ATP4A: variants seen among roughly 807,000 people sequenced by gnomAD.
ATP4A encodes potassium-transporting ATPase alpha chain 1.
A neutral mutation model predicts 112.1 loss-of-function variants in ATP4A; 73 were observed. The ratio of observed to expected loss-of-function variants is 0.65; its 90% CI spans 0.54 to 0.79. The LOEUF (loss-of-function observed/expected upper bound fraction) is 0.79, where lower values mean the gene tolerates loss of function less well. Among genes scored for constraint, ATP4A ranks in the 30% least tolerant of loss-of-function variants. The probability of loss-of-function intolerance (pLI) is 0.00; values close to 1 mark genes in which losing one functional copy is unlikely to be tolerated. For missense variants in ATP4A, 1,081 were observed against 1,425.9 expected (o/e 0.76, Z 3.90); for synonymous variants, 588 against 588.9 (o/e 1.00, Z 0.02).
chr19:35,557,052 G>A lies in ATP4A; in HGVS notation c.1730C>T (p.Pro577Leu), dbSNP rs776928883. 36 of 1,614,076 alleles carry A rather than the reference G, an allele frequency of 2.2e-5. No homozygotes were observed. The highest frequency in any genetic ancestry group is 9.3e-5 in the African/African-American group (7 of 74,914). Reference sequence around the variant, plus strand: ...CTCTACGTCGAAGGCATAGCCAGGCGGGTAGTCCTTCTCATTCAGGTAGAG... The same window carrying A: ...CTCTACGTCGAAGGCATAGCCAGGCAGGTAGTCCTTCTCATTCAGGTAGAG... ...CQLYLNEKDYPPGYAFDVEAM... is the reference protein window; with the variant it reads ...CQLYLNEKDYLPGYAFDVEAM... Residue 577 changes from proline (P) to leucine (L), a missense_variant, in exon 12 of 22, where the codon CCG (proline) becomes CTG (leucine). This residue lies in a region of ATP4A where 850 missense variants were observed against 1,068.2 expected (regional missense o/e 0.80). Transcript: ENST00000262623. This position sits in a 1 kb window ranked among gnomAD's most constrained non-coding sequence, Gnocchi z 4.4.
chr19:35,558,725 C>T lies in ATP4A; in HGVS notation c.1256-39G>A, dbSNP rs1309594230. On this transcript the variant is annotated intron_variant, in intron 8 of 21. Transcript: ENST00000262623. The surrounding 1 kb of genome is among the most constrained non-coding windows in gnomAD (Gnocchi z 5.1). ...GTCCAGGCTGGGTCCCGCACGGCGGCTCTCCCGGACCAGAACCGAGCCCCC... is the reference window on the plus strand; with the variant it reads ...GTCCAGGCTGGGTCCCGCACGGCGGTTCTCCCGGACCAGAACCGAGCCCCC... 1 of 1,540,632 alleles carries T rather than the reference C, an allele frequency of 6.5e-7. No individual in the cohort carries two copies. The highest frequency in any genetic ancestry group is 8.7e-7 in the Non-Finnish European group (1 of 1,143,972).
chr19:35,563,552 G>A (rs370196640), intron 1 of ATP4A, 25 bp from the exon 2 acceptor site: 13 of 1,613,822 alleles, frequency 8.1e-6, no homozygotes, highest in Admixed American at 5.0e-5. Flanking sequence ...GATGGAGGGA[G>A]GGAGAACTCA....
chr19:35,561,056 A>G (rs763764214), intron 4 of ATP4A, 124 bp from the exon 5 acceptor site: 3 of 745,858 alleles, frequency 4.0e-6, no homozygotes, highest in Non-Finnish European at 6.9e-6. Flanking sequence ...ACCTACTAGG[A>G]AGCTCCATGC....
rs2071604590 is a variant in ATP4A, at chr19:35,551,948, A to T, written c.2752-368T>A. On this transcript the variant is annotated intron_variant, in intron 18 of 21. Coordinates refer to ENST00000262623, the MANE Select transcript of ATP4A (RefSeq NM_000704.3). The surrounding 1 kb of genome is among the most constrained non-coding windows in gnomAD (Gnocchi z 5.2). ...TCCAGTGACTCCAGGGGCCAGGCAG[A>T]TGGCAAAAATAGGTGAGGCAGTCAC... is the stretch of plus-strand genomic sequence containing the variant. Among the ~76,000 whole-genome samples, 1 of 152,208 alleles carries T rather than the reference A, an allele frequency of 6.6e-6. No homozygotes were observed. Among genetic ancestry groups the T allele is most frequent in the African/African-American group, 2.4e-5 (1 of 41,458 alleles).
chr19:35,554,282 C>T (rs2071617942), intron 16 of ATP4A, among the ~76,000 whole-genome samples: 1 of 152,028 alleles, frequency 6.6e-6, no homozygotes, highest in Non-Finnish European at 1.5e-5. Context: ...TGTGACTGCT[C>T]AAGCTCAAGT....
At chr19:35,561,906 A>T (rs1599575558) in intron 4 of ATP4A, among the ~76,000 whole-genome samples, 1 of 127,744 alleles carries the variant, frequency 7.8e-6, no homozygotes, top group Non-Finnish European at 1.5e-5. Context: ...CCCAGGCTGG[A>T]GTGCAGTGGC....
Position 35,555,353 on chromosome 19 carries a change from G to A in ATP4A, c.2158-19C>T. 2 of 1,607,658 alleles carry A rather than the reference G, an allele frequency of 1.2e-6. No homozygotes were observed. The highest frequency in any genetic ancestry group is 1.7e-6 in the Non-Finnish European group (2 of 1,175,770). ...TCGCACCCTGCAGGCAGTGGGTGCA[G>A]GTGGTGGGTGGGTGGTCAGTGAGAG... On this transcript the variant is annotated intron_variant, in intron 14 of 21. Coordinates refer to ENST00000262623, the MANE Select transcript of ATP4A (RefSeq NM_000704.3). The surrounding 1 kb of genome is among the most constrained non-coding windows in gnomAD (Gnocchi z 6.6).
At chr19:35,563,307 C>T (rs1418716308) in intron 2 of ATP4A, 39 bp from the exon 3 acceptor site, 3 of 1,613,638 alleles carry the variant, frequency 1.9e-6, no homozygotes, top group Non-Finnish European at 2.5e-6. Context: ...GCTCTGGGCT[C>T]TCCTGGCCCC....
Position 35,559,290 on chromosome 19 carries a change from G to A in ATP4A, c.1057-99C>T. On this transcript the variant is annotated intron_variant, in intron 7 of 21. Transcript: ENST00000262623. This position sits in a 1 kb window ranked among gnomAD's most constrained non-coding sequence, Gnocchi z 4.1. ...GGGAAGGCTTTACCCCAGCCGCGGG[G>A]CTGCGTGTGCAACGTGCTTCTGCAA... is the stretch of plus-strand genomic sequence containing the variant. 1.6e-6 allele frequency: 2 copies of A among 1,277,596 alleles called. No individual in the cohort carries two copies. Among genetic ancestry groups the A allele is most frequent in the Non-Finnish European group, 2.2e-6 (2 of 902,186 alleles). 79.1% of individuals were successfully genotyped at this position (1,277,596 alleles called of 1,614,324 possible).
In ATP4A at chr19:35,557,231, C is replaced by A; in HGVS notation, c.1694-143G>T. ...GTGCTGACCCCTTCACTCACATTAT[C>A]TGAATCTACCCTCACAACCACCCTG... On this transcript the variant is annotated intron_variant, in intron 11 of 21. Transcript: ENST00000262623. The surrounding 1 kb of genome is among the most constrained non-coding windows in gnomAD (Gnocchi z 4.4). 1.1e-6 allele frequency: 1 copy of A among 934,582 alleles called. No homozygotes were observed. Among genetic ancestry groups the A allele is most frequent in the Non-Finnish European group, 1.6e-6 (1 of 627,806 alleles). The allele number at this position is 934,582 out of a possible 1,614,324, so 57.9% of individuals were successfully genotyped here.
At chr19:35,552,930 T>C in intron 18 of ATP4A, 107 bp downstream of exon 18, 1 of 1,404,552 alleles carries the variant, frequency 7.1e-7, no homozygotes, top group Non-Finnish European at 9.5e-7. Flanking sequence ...TCCGGGATGC[T>C]CTGGCTGAAC....
intron 16 of ATP4A, 71 bp from the exon 17 acceptor site, chr19:35,553,900 C>A: frequency 6.6e-7 from 1 of 1,514,654 alleles, no homozygotes; most frequent in Non-Finnish European, 8.9e-7. Context: ...TCGGGTCCCC[C>A]TTCCCCCACT....
intron 3 of ATP4A, 76 bp downstream of exon 3, chr19:35,563,133 C>A: frequency 1.3e-6 from 2 of 1,526,422 alleles, no homozygotes; most frequent in South Asian, 1.2e-5. Context: ...TCCCTCTCTC[C>A]ATCTCCCTCC....
In ATP4A at chr19:35,553,101, C is replaced by T; in HGVS notation, c.2687G>A (p.Gly896Glu). 6.2e-7 allele frequency: 1 copy of T among 1,611,876 alleles called. No individual in the cohort carries two copies. Among genetic ancestry groups the T allele is most frequent in the Non-Finnish European group, 8.5e-7 (1 of 1,178,190 alleles). Reference sequence around the variant, plus strand: ...GTGGTCCTCCCACTGCGCCCGCAGCCCCACGCACAGCAGTGGGAACCAGCC... The same window carrying T: ...GTGGTCCTCCCACTGCGCCCGCAGCTCCACGCACAGCAGTGGGAACCAGCC... ...QEGWFPLLCV[G>E]LRAQWEDHHL... Residue 896 changes from glycine (G) to glutamate (E), a missense_variant, in exon 18 of 22, where the codon GGG becomes GAG. This residue lies in a region of ATP4A where 219 missense variants were observed against 320.9 expected (regional missense o/e 0.68). Coordinates refer to ENST00000262623, the MANE Select transcript of ATP4A (RefSeq NM_000704.3).
rs1273282658 is a variant in ATP4A at position 35,554,923 on chromosome 19, A to G, written c.2480T>C (p.Ile827Thr). The G allele has an allele frequency of 9.3e-6, 15 of 1,613,910 alleles. No homozygotes were observed. Among genetic ancestry groups the G allele is most frequent in the African/African-American group, 1.3e-5 (1 of 74,892 alleles). The part of the protein sequence containing the change: ...TILFIELCTD[I>T]FPSVSLAYEK... ...GGGTACCCTGGGCTGTGGACTTACA[A>G]TGTCAGTGCAGAGTTCGATGAAGAG... The change falls in exon 16 of 22, where the codon ATT becomes ACT. Residue 827 changes from isoleucine to threonine, a missense_variant and splice_region_variant. Physicochemically the swap from Ile to Thr is moderately conservative, Grantham distance 89. Transcript: ENST00000262623.
At position 35,558,406 on chromosome 19, in the gene ATP4A, G is replaced by C; in HGVS notation, c.1456C>G (p.Pro486Ala). The change falls in exon 10 of 22, where the codon CCA becomes GCA. Residue 486 changes from proline to alanine, a missense_variant. Around this residue, in one of 3 missense-constraint regions of ATP4A, gnomAD observed 850 missense variants for 1,068.2 expected, o/e 0.80. Coordinates refer to ENST00000262623, the MANE Select transcript of ATP4A (RefSeq NM_000704.3). This position sits in a 1 kb window ranked among gnomAD's most constrained non-coding sequence, Gnocchi z 5.1. ...GNAMGYRDRF[P>A]KVCEIPFNST... ...TTGAAGGGTATCTCGCAGACTTTTG[G>C]GAAGCGGTCCCGGTAGCCCATGGCG... The C allele has an allele frequency of 6.2e-7, 1 of 1,611,400 alleles. No individual in the cohort carries two copies. Among genetic ancestry groups the C allele is most frequent in the Non-Finnish European group, 8.5e-7 (1 of 1,178,976 alleles).
Position 35,550,203 on chromosome 19 carries a change from T to G in ATP4A, c.*412A>C. 1 of 256,038 alleles carries G rather than the reference T, an allele frequency of 3.9e-6. No homozygotes were observed. Among genetic ancestry groups the G allele is most frequent in the East Asian group, 9.8e-5 (1 of 10,202 alleles). The allele number at this position is 256,038 out of a possible 1,614,324, so 15.9% of individuals were successfully genotyped here. A position where few individuals can be genotyped will look rare whatever the true frequency, so the allele number is the denominator to read the frequency against. On this transcript the variant is annotated 3_prime_UTR_variant, in exon 22 of 22. Transcript: ENST00000262623. The surrounding 1 kb of genome is among the most constrained non-coding windows in gnomAD (Gnocchi z 4.1). ...GTGCCTGGCACCAGATACAGCACAG[T>G]CAGCATGAGCTGGTTTTATTACCAT...
Position 35,555,111 on chromosome 19 carries a change from A to G in ATP4A, c.2327-35T>C, listed in dbSNP as rs1316590591. On this transcript the variant is annotated intron_variant, in intron 15 of 21. Coordinates refer to ENST00000262623, the MANE Select transcript of ATP4A (RefSeq NM_000704.3). The surrounding 1 kb of genome is among the most constrained non-coding windows in gnomAD (Gnocchi z 6.6). ...AGGGTGGGCACCTCAGCCTCCTCAC[A>G]GCCCTCTCCCTCCTGTGCCCACACT... The G allele has an allele frequency of 1.2e-6, 2 of 1,613,464 alleles. No individual in the cohort carries two copies. The highest frequency in any genetic ancestry group is 3.3e-5 in the Admixed American group (2 of 59,962).
At position 35,557,668 on chromosome 19, in the gene ATP4A, G is replaced by T. The variant is rs529383614; in HGVS notation, c.1680C>A (p.Gly560=). The part of the protein sequence containing the change: ...QTAYLSLGGL[G]ERVLGFCQLY... Reference sequence around the variant, plus strand: ...CAGGGGTCTCACCGAGCACGCGTTCGCCCAGGCCTCCCAGGCTGAGGTAGG... The same window carrying T: ...CAGGGGTCTCACCGAGCACGCGTTCTCCCAGGCCTCCCAGGCTGAGGTAGG... Residue 560 remains glycine, a synonymous_variant, in exon 11 of 22, where the codon GGC becomes GGA. Transcript: ENST00000262623. This position sits in a 1 kb window ranked among gnomAD's most constrained non-coding sequence, Gnocchi z 4.4. 587 of 1,607,498 alleles carry T rather than the reference G, an allele frequency of 3.7e-4. 10 individuals carry two copies. The South Asian group carries it at 5.1e-3, about 14-fold the overall frequency.
Sources: gnomAD v4.1 joint callset for allele counts (sites outside exome capture counted in the v4.1 genomes callset) on GRCh38, gnomAD v4.1.1 for gene constraint, gnomAD v4.1.1 regional missense constraint, Gnocchi (gnomAD v3.1) non-coding constraint, MANE v1.5 for transcripts, NCBI Gene and HGNC (gene_info 2026-07-23, HGNC 2026-07-21) for gene names.